Variants in CSMD3 observed in about 807,000 individuals in gnomAD.
CSMD3 encodes the protein CUB and Sushi multiple domains 3.
A neutral mutation model predicts 435.2 loss-of-function variants in CSMD3; 177 were observed. The ratio of observed to expected loss-of-function variants is 0.41; its 90% CI spans 0.36 to 0.46. The LOEUF is 0.46. CSMD3 is among the 20% of genes least tolerant of loss of function. CSMD3 has a pLI of 0.34. For missense variants in CSMD3, 4,265 were observed against 4,504.6 expected, an observed-to-expected ratio of 0.95 and a Z score of 1.52; for synonymous variants, 1,656 against 1,520.5, an observed-to-expected ratio of 1.09 and a Z score of -2.07.
rs1014100823 is a variant in CSMD3, at chr8:112,975,924, G to T, written c.1255C>A (p.Pro419Thr). 6.2e-7 allele frequency: 1 copy of T among 1,614,032 alleles called. No individual in the cohort carries two copies. The highest frequency in any genetic ancestry group is 2.2e-5 in the East Asian group (1 of 44,874). ...NTSKDGLSPH[P>T]ADTQSTRRRP... ...CTCCTGGTACTTTGTGTATCTGCTGGATGAGGAGAGAGCCCGTCCTTGGAC... is the reference window on the plus strand; with the variant it reads ...CTCCTGGTACTTTGTGTATCTGCTGTATGAGGAGAGAGCCCGTCCTTGGAC... Residue 419 changes from proline (P) to threonine (T), a missense_variant, in exon 7 of 71, where the codon CCA (proline) becomes ACA (threonine). Coordinates refer to ENST00000297405, the MANE Select transcript of CSMD3 (RefSeq NM_198123.2).
chr8:113,143,982 T>C (rs142493729), intron 4 of CSMD3, among the ~76,000 whole-genome samples: 1 of 151,532 alleles, frequency 6.6e-6, no homozygotes, highest in African/African-American at 2.4e-5. Context: ...TAATTTTTCT[T>C]AAAACTGCAC....
intron 24 of CSMD3, among the ~76,000 whole-genome samples, chr8:112,557,320 C>T (rs9650045): frequency 0.17 from 26,240 of 151,862 alleles, 2,709 homozygotes; most frequent in Middle Eastern, 0.35. Flanking sequence ...TGGCACAGAG[C>T]TCCTAAAAGT....
At chr8:113,056,206 G>A (rs2088329981) in intron 5 of CSMD3, among the ~76,000 whole-genome samples, 1 of 152,128 alleles carries the variant, frequency 6.6e-6, no homozygotes, top group Non-Finnish European at 1.5e-5. Flanking sequence ...ACAGAGCAGA[G>A]GAAACACTGT....
chr8:113,076,563 A>G (rs1008028287), intron 5 of CSMD3, among the ~76,000 whole-genome samples: 13 of 152,080 alleles, frequency 8.5e-5, no homozygotes, highest in South Asian at 6.2e-4. Flanking sequence ...TAAATCTCTT[A>G]ATTAAGATTA....
At chr8:113,284,147 G>C (rs966081258) in intron 2 of CSMD3, among the ~76,000 whole-genome samples, 1 of 152,056 alleles carries the variant, frequency 6.6e-6, no homozygotes, top group Non-Finnish European at 1.5e-5. Context: ...CTGCTTAAGT[G>C]ATGGGTGCAC....
intron 1 of CSMD3, among the ~76,000 whole-genome samples, chr8:113,434,761 AT>A (rs1192076963): frequency 2.0e-5 from 3 of 152,118 alleles, no homozygotes; most frequent in Non-Finnish European, 4.4e-5. Context: ...TTTCCTTTCT[AT>A]CGGCGCATCT....
chr8:112,318,653 A>C (rs1822702940), intron 47 of CSMD3, among the ~76,000 whole-genome samples, 184 bp downstream of exon 47: 1 of 152,090 alleles, frequency 6.6e-6, no homozygotes, highest in Non-Finnish European at 1.5e-5. Flanking sequence ...AAGATGTTTA[A>C]AGTTAAATCT....
intron 2 of CSMD3, among the ~76,000 whole-genome samples, chr8:113,290,200 T>G (rs1462700218): frequency 2.0e-5 from 3 of 151,626 alleles, no homozygotes; most frequent in Non-Finnish European, 4.4e-5. Flanking sequence ...TAAATATTTT[T>G]AAAAAATATA....
rs2130990310 is a variant in CSMD3, at chr8:112,517,215, G to A, written c.4575C>T (p.Ala1525=). The A allele has an allele frequency of 6.2e-7, 1 of 1,613,082 alleles. No individual in the cohort carries two copies. The highest frequency in any genetic ancestry group is 8.5e-7 in the Non-Finnish European group (1 of 1,179,534). ...GGACCCCTGGGTCACGACACGCAGT[G>A]GCAACAGAACCTATCAAAAGACAGA... ...GFAIQFSSSV[A]TACRDPGVPM... Residue 1525 remains alanine, a synonymous_variant, in exon 28 of 71, where the codon GCC becomes GCT. Coordinates refer to ENST00000297405, the MANE Select transcript of CSMD3 (RefSeq NM_198123.2).
intron 1 of CSMD3, among the ~76,000 whole-genome samples, chr8:113,416,201 A>G (rs2094581098): frequency 6.6e-6 from 1 of 152,108 alleles, no homozygotes; most frequent in South Asian, 2.1e-4. Flanking sequence ...CAGGTATTAA[A>G]GCAAAGTGAC....
intron 13 of CSMD3, among the ~76,000 whole-genome samples, chr8:112,767,844 T>C (rs2078017662): frequency 6.6e-6 from 1 of 151,806 alleles, no homozygotes; most frequent in South Asian, 2.1e-4. Context: ...CCCCTTTCCC[T>C]CTGCTAGAAT....
intron 35 of CSMD3, among the ~76,000 whole-genome samples, chr8:112,403,379 A>T (rs1263012840): frequency 5.9e-5 from 9 of 152,132 alleles, no homozygotes. Context: ...TTGTCAGAGG[A>T]TTGCAACAAA....
intron 13 of CSMD3, among the ~76,000 whole-genome samples, chr8:112,794,844 G>T (rs2132306583): frequency 6.6e-6 from 1 of 151,924 alleles, no homozygotes; most frequent in South Asian, 2.1e-4. Flanking sequence ...TTTTTTCAAA[G>T]AAACTTTTGT....
intron 5 of CSMD3, among the ~76,000 whole-genome samples, chr8:113,075,070 G>C (rs2089283073): frequency 6.6e-6 from 1 of 151,652 alleles, no homozygotes; most frequent in African/African-American, 2.4e-5. Flanking sequence ...AATGGTTGGT[G>C]CTGTATTATG....
rs2094708741 is a variant in CSMD3 at position 113,436,708 on chromosome 8, G to A, written c.147C>T (p.Leu49=). The A allele has an allele frequency of 1.2e-6, 2 of 1,614,010 alleles. No homozygotes were observed. The highest frequency in any genetic ancestry group is 1.7e-6 in the Non-Finnish European group (2 of 1,180,042). ...GIKSGFTFWN[L]VFLLTVSCVK... ...CACAAGACACCGTCAATAAAAAGAC[G>A]AGGTTCCAAAACGTAAATCCACTTT... Residue 49 remains leucine (L), a synonymous_variant, in exon 1 of 71, where the codon CTC becomes CTT. Coordinates refer to ENST00000297405, the MANE Select transcript of CSMD3 (RefSeq NM_198123.2).
intron 2 of CSMD3, among the ~76,000 whole-genome samples, chr8:113,286,093 C>A (rs1426889527): frequency 6.6e-6 from 1 of 151,924 alleles, no homozygotes; most frequent in Non-Finnish European, 1.5e-5. Context: ...TTTGTCCCTA[C>A]TCCCACATAC....
intron 5 of CSMD3, among the ~76,000 whole-genome samples, chr8:113,044,827 T>G (rs2087763301): frequency 6.7e-6 from 1 of 149,218 alleles, no homozygotes; most frequent in Admixed American, 6.7e-5. Flanking sequence ...TGCTGTTATT[T>G]CTTTTGTCTG....
intron 52 of CSMD3, among the ~76,000 whole-genome samples, chr8:112,303,607 G>A (rs1301026270): frequency 6.6e-6 from 1 of 151,582 alleles, no homozygotes; most frequent in Non-Finnish European, 1.5e-5. Context: ...ACAGATGATG[G>A]CACATTTTTA....
chr8:113,432,880 C>A (rs1187303697), intron 1 of CSMD3, among the ~76,000 whole-genome samples: 1 of 152,188 alleles, frequency 6.6e-6, no homozygotes, highest in African/African-American at 2.4e-5. Flanking sequence ...CACACCCACC[C>A]TCGGAGACTC....
Sources: allele counts gnomAD v4.1 joint callset (sites outside exome capture counted in the v4.1 genomes callset), GRCh38; gene constraint gnomAD v4.1.1; transcripts MANE v1.5; gene names NCBI Gene and HGNC (gene_info 2026-07-23, HGNC 2026-07-21).